The following EFHB variants were observed in gnomAD, a reference collection of about 807,000 sequenced individuals.
EFHB encodes EF-hand domain family member B, also known as EF-hand domain-containing family member B.
Under a neutral mutation model 87.2 loss-of-function variants are expected in EFHB, and 91 were observed. The observed-to-expected ratio is 1.04, with a 90% CI of 0.88 to 1.24. The LOEUF (loss-of-function observed/expected upper bound fraction) is 1.24. EFHB is among the 50% of genes most tolerant of loss of function. The pLI is 0.00. For missense variants in EFHB, 1,084 were observed against 998.8 expected (o/e 1.09, Z -1.15); for synonymous variants, 325 against 333.6 (o/e 0.97, Z 0.28).
intron 5 of EFHB, among the ~76,000 whole-genome samples, chr3:19,910,891 G>T (rs1695041181): frequency 1.3e-5 from 2 of 152,182 alleles, no homozygotes; most frequent in African/African-American, 4.8e-5. Context: ...AGTGTTACTG[G>T]GCTTGGGGTG....
intron 1 of EFHB, among the ~76,000 whole-genome samples, chr3:19,939,395 T>C (rs1254288118): frequency 2.6e-5 from 3 of 117,334 alleles, no homozygotes; most frequent in Non-Finnish European, 5.6e-5. Context: ...TTTTTTTTTT[T>C]TTTTTGGGAT....
chr3:19,912,737 A>G (rs1695104563), intron 5 of EFHB, among the ~76,000 whole-genome samples: 1 of 152,232 alleles, frequency 6.6e-6, no homozygotes, highest in African/African-American at 2.4e-5. Flanking sequence ...AAGTTAAGGC[A>G]TAGAGTTTTT....
intron 10 of EFHB, among the ~76,000 whole-genome samples, chr3:19,886,328 C>G (rs1694099088): frequency 6.6e-6 from 1 of 152,288 alleles, no homozygotes; most frequent in South Asian, 2.1e-4. Flanking sequence ...CACAGAAAGG[C>G]ATGACCCAAG....
chr3:19,929,675 C>T (rs1001235589), intron 1 of EFHB, among the ~76,000 whole-genome samples: 2 of 141,170 alleles, frequency 1.4e-5, no homozygotes, highest in African/African-American at 5.4e-5. Context: ...TGCCACTGCA[C>T]TCCAGCCTGG....
chr3:19,895,188 G>A (rs1694438394), intron 9 of EFHB, among the ~76,000 whole-genome samples: 1 of 149,938 alleles, frequency 6.7e-6, no homozygotes, highest in Non-Finnish European at 1.5e-5. Flanking sequence ...TTTATCATAA[G>A]GAATATGCTT....
intron 6 of EFHB, among the ~76,000 whole-genome samples, chr3:19,900,761 T>A (rs1404601326): frequency 1.3e-5 from 2 of 152,006 alleles, no homozygotes; most frequent in African/African-American, 4.8e-5. Context: ...AAACCCCATC[T>A]CTACTAAAAC....
chr3:19,940,560 A>C (rs1210904400), intron 1 of EFHB: 3 of 500,192 alleles, frequency 6.0e-6, no homozygotes, highest in Admixed American at 4.1e-5. Flanking sequence ...CATAGGATTC[A>C]AGGGAATTCT....
intron 5 of EFHB, among the ~76,000 whole-genome samples, chr3:19,908,865 G>A (rs1694959589): frequency 6.6e-6 from 1 of 151,972 alleles, no homozygotes; most frequent in Non-Finnish European, 1.5e-5. Flanking sequence ...ATATAGAGCA[G>A]GCTCCCTAAA....
chr3:19,920,407 G>T, intron 2 of EFHB, 98 bp downstream of exon 2: 2 of 1,018,338 alleles, frequency 2.0e-6, no homozygotes, highest in African/African-American at 1.7e-5. Flanking sequence ...ACCACATTAA[G>T]TTTATACCAC....
chr3:19,933,911 T>G lies in EFHB; in HGVS notation c.108A>C (p.Leu36Phe). ...FPMELGIRVGLGKEDSRCGES... is the reference protein window; with the variant it reads ...FPMELGIRVGFGKEDSRCGES... Reference sequence around the variant, plus strand: ...CCCCGCATCGGGAATCTTCTTTTCCTAATCCTACTCTGATCCCCAACTCCA... The same window carrying G: ...CCCCGCATCGGGAATCTTCTTTTCCGAATCCTACTCTGATCCCCAACTCCA... Residue 36 changes from leucine (L) to phenylalanine (F), a missense_variant, in exon 1 of 13, where the codon TTA (leucine) becomes TTC (phenylalanine). Coordinates refer to ENST00000295824, the MANE Select transcript of EFHB (RefSeq NM_144715.4). 6.2e-7 allele frequency: 1 copy of G among 1,614,026 alleles called. No homozygotes were observed. Among genetic ancestry groups the G allele is most frequent in the Non-Finnish European group, 8.5e-7 (1 of 1,179,892 alleles).
chr3:19,904,154 A>G (rs1694761933), intron 6 of EFHB, among the ~76,000 whole-genome samples: 1 of 152,158 alleles, frequency 6.6e-6, no homozygotes, highest in Non-Finnish European at 1.5e-5. Flanking sequence ...TCCTTTAAAG[A>G]GGGCAGAGGT....
rs374241010 is a variant in EFHB, at chr3:19,933,767, C to A, written c.252G>T (p.Met84Ile). The change falls in exon 1 of 13, where the codon ATG becomes ATT. Residue 84 changes from methionine to isoleucine, a missense_variant. Met to Ile is a conservative substitution (Grantham distance 10, BLOSUM62 1). Transcript: ENST00000295824. Reference protein sequence around the residue: ...LERQNISRTVMQRGSLGVDSV... With the variant: ...LERQNISRTVIQRGSLGVDSV... ...TGTCGACTCCTAAACTACCCCTCTGCATGACAGTCCTAGAAATATTCTGTC... is the reference window on the plus strand; with the variant it reads ...TGTCGACTCCTAAACTACCCCTCTGAATGACAGTCCTAGAAATATTCTGTC... The A allele has an allele frequency of 9.9e-6, 16 of 1,614,018 alleles. No homozygotes were observed. The highest frequency in any genetic ancestry group is 1.2e-5 in the Non-Finnish European group (14 of 1,179,884).
At chr3:19,935,807 C>T (rs577096433), upstream of EFHB, among the ~76,000 whole-genome samples, 143 of 151,360 alleles carry the variant, frequency 9.4e-4, no homozygotes, top group African/African-American at 3.3e-3. Context: ...GTCAGGAGTT[C>T]GAGACCATCC....
intron 10 of EFHB, among the ~76,000 whole-genome samples, chr3:19,886,882 CAAT>C (rs1428996774): frequency 3.3e-5 from 5 of 151,784 alleles, no homozygotes; most frequent in Non-Finnish European, 2.9e-5. Context: ...ACTTCTGAGA[CAAT>C]AATAACATTC....
chr3:19,904,780 G>A (rs1694783012), intron 6 of EFHB, among the ~76,000 whole-genome samples: 1 of 152,084 alleles, frequency 6.6e-6, no homozygotes, highest in Admixed American at 6.6e-5. Flanking sequence ...ATAGGTTCTG[G>A]CCATCAGGAC....
chr3:19,922,469 GAA>G (rs1695469411), intron 1 of EFHB, among the ~76,000 whole-genome samples: 1 of 152,194 alleles, frequency 6.6e-6, no homozygotes, highest in Non-Finnish European at 1.5e-5. Context: ...TTTGTAGCCA[GAA>G]ACATCAAACC....
chr3:19,925,656 C>T (rs1695598329), intron 1 of EFHB, among the ~76,000 whole-genome samples: 1 of 152,218 alleles, frequency 6.6e-6, no homozygotes, highest in South Asian at 2.1e-4. Context: ...CACCTCCTCA[C>T]TCAACCCCCA....
intron 9 of EFHB, among the ~76,000 whole-genome samples, chr3:19,895,389 G>T (rs528660860): frequency 1.9e-3 from 286 of 151,772 alleles, no homozygotes; most frequent in African/African-American, 6.7e-3. Context: ...GCTGAGGCAG[G>T]AGAATGGCGT....
chr3:19,890,971 A>G (rs1454803886), intron 9 of EFHB, among the ~76,000 whole-genome samples: 1 of 152,210 alleles, frequency 6.6e-6, no homozygotes, highest in African/African-American at 2.4e-5. Context: ...CAAGCCTCAT[A>G]TGTCAAATGG....
Sources: gnomAD v4.1 joint callset for allele counts (sites outside exome capture counted in the v4.1 genomes callset) on GRCh38, gnomAD v4.1.1 for gene constraint, MANE v1.5 for transcripts, NCBI Gene and HGNC (gene_info 2026-07-23, HGNC 2026-07-21) for gene names.